The following PARD3 variants were observed in gnomAD, a reference collection of about 807,000 sequenced individuals.
The protein encoded by PARD3 is partitioning defective 3 homolog.
Under a neutral mutation model 155.4 loss-of-function variants are expected in PARD3, and 75 were observed. The observed-to-expected ratio is 0.48, with a 90% CI of 0.40 to 0.58. The LOEUF (loss-of-function observed/expected upper bound fraction) is 0.58. Among genes scored for constraint, PARD3 ranks in the 20% least tolerant of loss-of-function variants. The pLI, the probability that PARD3 is intolerant of heterozygous loss-of-function variation, is 0.00. For missense variants in PARD3, 1,642 were observed against 1,721.7 expected, an observed-to-expected ratio of 0.95 and a Z score of 0.82; for synonymous variants, 576 against 610.5, an observed-to-expected ratio of 0.94 and a Z score of 0.83.
At chr10:34,673,984 C>CAAAAA (rs200637507) in intron 2 of PARD3, among the ~76,000 whole-genome samples, 15 of 117,148 alleles carry the variant, frequency 1.3e-4, no homozygotes, top group Middle Eastern at 4.3e-3. Flanking sequence ...GAGTCTGCAT[C>CAAAAA]AAAAAAAAAA....
At chr10:34,699,402 G>A (rs1459349785) in intron 1 of PARD3, among the ~76,000 whole-genome samples, 14 of 151,832 alleles carry the variant, frequency 9.2e-5, no homozygotes, top group Admixed American at 9.2e-4. Flanking sequence ...TAAAAACCAG[G>A]AAGGATATTT....
intron 2 of PARD3, among the ~76,000 whole-genome samples, chr10:34,519,138 A>G (rs768270309): frequency 6.6e-6 from 1 of 152,220 alleles, no homozygotes; most frequent in African/African-American, 2.4e-5. Flanking sequence ...AGAAAGAACA[A>G]GGAGAACGAG....
At chr10:34,141,294 G>A (rs983705210) in intron 22 of PARD3, among the ~76,000 whole-genome samples, 1 of 152,248 alleles carries the variant, frequency 6.6e-6, no homozygotes, top group African/African-American at 2.4e-5. Context: ...AAAGAATTAT[G>A]AGAAACTCAT....
intron 20 of PARD3, among the ~76,000 whole-genome samples, chr10:34,292,851 C>T (rs995089159): frequency 3.9e-5 from 6 of 152,010 alleles, no homozygotes; most frequent in Non-Finnish European, 2.9e-5. Context: ...AAGTGCACTC[C>T]TACTCCAGCA....
chr10:34,596,114 C>G lies in PARD3; in HGVS notation c.223-78955G>C, dbSNP rs183746794. Among the ~76,000 whole-genome samples, 71 of 152,226 alleles carry G rather than the reference C, an allele frequency of 4.7e-4. No individual in the cohort carries two copies. In the East Asian group the frequency reaches 0.011, roughly 24 times the overall value. ...TTGTTCAAATTATTGCTTTTGTGCC[C>G]AAGCTCTAATTCAAGTTAAATGTGA... is the stretch of plus-strand genomic sequence containing the variant. On this transcript the variant is annotated intron_variant, in intron 2 of 24. Coordinates refer to ENST00000374788, the MANE Select transcript of PARD3 (RefSeq NM_001184785.2).
At chr10:34,730,514 G>A (rs890611075) in intron 1 of PARD3, among the ~76,000 whole-genome samples, 1 of 152,172 alleles carries the variant, frequency 6.6e-6, no homozygotes, top group Non-Finnish European at 1.5e-5. Context: ...CCATGGCTAG[G>A]AGCTCACGCC....
chr10:34,466,489 TTACTC>T (rs1186063127), intron 4 of PARD3, among the ~76,000 whole-genome samples: 8 of 152,180 alleles, frequency 5.3e-5, no homozygotes. Context: ...CTAAAATAAT[TTACTC>T]TGCTCATTTA....
At chr10:34,247,744 T>C (rs1954050246) in intron 22 of PARD3, among the ~76,000 whole-genome samples, 1 of 152,216 alleles carries the variant, frequency 6.6e-6, no homozygotes. Context: ...CTGGTTACAT[T>C]GTTTCATTGC....
At chr10:34,598,926 C>A (rs2089526695) in intron 2 of PARD3, among the ~76,000 whole-genome samples, 1 of 152,136 alleles carries the variant, frequency 6.6e-6, no homozygotes, top group Non-Finnish European at 1.5e-5. Flanking sequence ...CCCACCCTGC[C>A]CTTGATGGTC....
intron 2 of PARD3, among the ~76,000 whole-genome samples, chr10:34,527,868 C>G (rs1678390658): frequency 6.6e-6 from 1 of 152,158 alleles, no homozygotes; most frequent in African/African-American, 2.4e-5. Context: ...TTTTTTGCTA[C>G]TCTCATTATT....
intron 2 of PARD3, among the ~76,000 whole-genome samples, chr10:34,634,610 G>C (rs758437909): frequency 8.5e-5 from 13 of 152,178 alleles, no homozygotes; most frequent in Non-Finnish European, 1.8e-4. Flanking sequence ...CATTCAATAA[G>C]AAGGAAAGAA....
At chr10:34,786,557 G>C (rs1840985223) in intron 1 of PARD3, among the ~76,000 whole-genome samples, 1 of 152,156 alleles carries the variant, frequency 6.6e-6, no homozygotes, top group Non-Finnish European at 1.5e-5. Context: ...GGACTGATCA[G>C]CAATTTTATG....
chr10:34,346,196 A>G, intron 15 of PARD3: 3 of 1,125,186 alleles, frequency 2.7e-6, no homozygotes, highest in Non-Finnish European at 2.2e-6. Context: ...TGTCAACTAT[A>G]ATGCAAACCG....
At chr10:34,467,668 C>T (rs892412457) in intron 4 of PARD3, among the ~76,000 whole-genome samples, 4 of 152,076 alleles carry the variant, frequency 2.6e-5, no homozygotes. Flanking sequence ...AATGCTTGAA[C>T]CTGGGAGGTA....
At chr10:34,187,067 C>T (rs995136997) in intron 22 of PARD3, among the ~76,000 whole-genome samples, 2 of 152,190 alleles carry the variant, frequency 1.3e-5, no homozygotes, top group Non-Finnish European at 2.9e-5. Flanking sequence ...ACTGGCCCAG[C>T]TGTGAACAAT....
chr10:34,202,480 G>A (rs1436920792), intron 22 of PARD3, among the ~76,000 whole-genome samples: 1 of 152,196 alleles, frequency 6.6e-6, no homozygotes, highest in Non-Finnish European at 1.5e-5. Flanking sequence ...CTTTGGAAGA[G>A]GAAAGCATCA....
At chr10:34,517,868 T>C (rs1014028865) in intron 2 of PARD3, among the ~76,000 whole-genome samples, 3 of 152,084 alleles carry the variant, frequency 2.0e-5, no homozygotes, top group Non-Finnish European at 4.4e-5. Context: ...AGCTCAGTTT[T>C]TGTTTGTTTG....
intron 4 of PARD3, among the ~76,000 whole-genome samples, chr10:34,451,130 C>A (rs955849306): frequency 5.3e-5 from 8 of 152,112 alleles, no homozygotes; most frequent in African/African-American, 1.9e-4. Flanking sequence ...GTTTTTAATA[C>A]TCCCCAGAAC....
intron 3 of PARD3, among the ~76,000 whole-genome samples, chr10:34,486,931 A>G (rs1383542216): frequency 1.1e-4 from 17 of 152,086 alleles, no homozygotes; most frequent in Non-Finnish European, 1.5e-5. Flanking sequence ...ACGGATCCTC[A>G]TCATTTCTCA....
Sources: allele counts gnomAD v4.1 joint callset (sites outside exome capture counted in the v4.1 genomes callset), GRCh38; gene constraint gnomAD v4.1.1; transcripts MANE v1.5; gene names NCBI Gene and HGNC (gene_info 2026-07-23, HGNC 2026-07-21).